The following C9orf57 variants were observed in gnomAD, a reference collection of about 807,000 sequenced individuals.
The protein encoded by C9orf57 is chromosome 9 open reading frame 57.
Under a neutral mutation model 12.9 loss-of-function variants are expected in C9orf57, and 12 were observed. The ratio of observed to expected loss-of-function variants is 0.93; its 90% CI spans 0.60 to 1.51. The LOEUF (loss-of-function observed/expected upper bound fraction) is 1.51. C9orf57 is among the 40% of genes most tolerant of loss of function. C9orf57 has a pLI of 0.00. For missense variants in C9orf57, 141 were observed against 162.8 expected, an observed-to-expected ratio of 0.87 and a Z score of 0.73; for synonymous variants, 49 against 57.1, an observed-to-expected ratio of 0.86 and a Z score of 0.64.
chr9:72,057,868 A>G (rs1000555407), intron 2 of C9orf57, among the ~76,000 whole-genome samples: 3 of 152,140 alleles, frequency 2.0e-5, no homozygotes, highest in Admixed American at 6.6e-5. Context: ...TGAAAATATT[A>G]TTCATTTTGT....
At chr9:72,052,496 T>A in intron 4 of C9orf57, 61 bp from the exon 5 acceptor site, 8 of 1,470,060 alleles carry the variant, frequency 5.4e-6, no homozygotes, top group Non-Finnish European at 7.3e-6. Context: ...TGGCCTCAGA[T>A]GCTAATAGGT....
intron 3 of C9orf57, 69 bp from the exon 4 acceptor site, chr9:72,056,265 GAGATCAAA>G: frequency 1.5e-6 from 2 of 1,315,166 alleles, no homozygotes; most frequent in Non-Finnish European, 2.0e-6. Context: ...GGAAGGAAGA[GAGATCAAA>G]AAAATAAAGT....
intron 1 of C9orf57, among the ~76,000 whole-genome samples, chr9:72,059,966 A>G (rs1824295380): frequency 6.6e-6 from 1 of 152,198 alleles, no homozygotes; most frequent in African/African-American, 2.4e-5. Context: ...ATATTTCTAG[A>G]ATAATATCCT....
chr9:72,060,606 G>T lies in C9orf57; in HGVS notation c.-163C>A. The T allele has an allele frequency of 6.7e-7, 1 of 1,500,510 alleles. No homozygotes were observed. Among genetic ancestry groups the T allele is most frequent in the South Asian group, 1.2e-5 (1 of 80,318 alleles). The allele number at this position is 1,500,510 out of a possible 1,614,324, so 92.9% of individuals were successfully genotyped here. A position where few individuals can be genotyped will look rare whatever the true frequency, so the allele number is the denominator to read the frequency against. ...GATGAAGTCCGTTACAACTGAAAGC[G>T]ACACTCTGATCCACTAGATTCCAAA... On this transcript the variant is annotated 5_prime_UTR_variant, in exon 1 of 5. Transcript: ENST00000651200.
chr9:72,057,793 A>G (rs1483915517), intron 2 of C9orf57, among the ~76,000 whole-genome samples: 1 of 152,186 alleles, frequency 6.6e-6, no homozygotes, highest in South Asian at 2.1e-4. Context: ...TCGATTCTTC[A>G]TGAATATTTA....
At chr9:72,057,561 A>G (rs1364816355) in intron 2 of C9orf57, among the ~76,000 whole-genome samples, 2 of 152,106 alleles carry the variant, frequency 1.3e-5, no homozygotes, top group African/African-American at 4.8e-5. Context: ...TAATGAGGGA[A>G]ATTTCGAAGC....
rs200061624 is a variant in C9orf57 at position 72,052,363 on chromosome 9, T to C, written c.353A>G (p.Lys118Arg). Residue 118 changes from lysine to arginine, a missense_variant, in exon 5 of 5, where the codon AAG (lysine) becomes AGG (arginine). Lys to Arg is a conservative substitution (Grantham distance 26). Coordinates refer to ENST00000651200, the MANE Select transcript of C9orf57 (RefSeq NM_001128618.2). ...AAGTTCATGCAGTTGCAGAATTCTC[T>C]TGACGAGAGTACTCTTGAAGCACTC... ...TSECFKSTLV[K>R]RILQLHELVT... The C allele has an allele frequency of 1.5e-5, 23 of 1,551,938 alleles. No homozygotes were observed. Among genetic ancestry groups the C allele is most frequent in the South Asian group, 9.5e-5 (8 of 84,068 alleles).
At chr9:72,060,464 T>C (rs1318149487) in intron 1 of C9orf57, 33 bp downstream of exon 1, 2 of 1,055,076 alleles carry the variant, frequency 1.9e-6, no homozygotes, top group Non-Finnish European at 1.4e-6. Flanking sequence ...TAAGATTGGG[T>C]AAAGTATAAT....
At chr9:72,060,401 TTA>T (rs1824310916) in intron 1 of C9orf57, 94 bp downstream of exon 1, 1 of 704,752 alleles carries the variant, frequency 1.4e-6, no homozygotes, top group African/African-American at 1.8e-5. Context: ...GGGAAAAGCA[TTA>T]TGTGATAGTT....
At chr9:72,058,825 T>C (rs568123679) in intron 2 of C9orf57, among the ~76,000 whole-genome samples, 3 of 152,368 alleles carry the variant, frequency 2.0e-5, no homozygotes, top group South Asian at 4.1e-4. Flanking sequence ...AAATTTCACA[T>C]TGGTTCTGCC....
At chr9:72,055,407 T>A in intron 4 of C9orf57, among the ~76,000 whole-genome samples, 1 of 116,946 alleles carries the variant, frequency 8.6e-6, no homozygotes, top group Non-Finnish European at 1.7e-5. Context: ...CTTCCTTCCT[T>A]CCTTCCTTCC....
chr9:72,058,203 C>G (rs1030675976), intron 2 of C9orf57, among the ~76,000 whole-genome samples: 1 of 152,028 alleles, frequency 6.6e-6, no homozygotes, highest in African/African-American at 2.4e-5. Flanking sequence ...CTCTTTTGTC[C>G]AGGTTGGAGT....
rs1420352020 is a variant in C9orf57 at position 72,056,935 on chromosome 9, G to T, written c.98-92C>A. 9.9e-6 allele frequency: 10 copies of T among 1,014,580 alleles called. No homozygotes were observed. The African/African-American group carries it at 1.1e-4, about 12-fold the overall frequency. 62.8% of individuals were successfully genotyped at this position (1,014,580 alleles called of 1,614,324 possible). ...TACTTTTTTTTTTTTTTGAGACAGG[G>T]TTGCACTCCTGTTACCCAGGCTGGA... On this transcript the variant is annotated intron_variant, in intron 2 of 4. Coordinates refer to ENST00000651200, the MANE Select transcript of C9orf57 (RefSeq NM_001128618.2).
intron 4 of C9orf57, among the ~76,000 whole-genome samples, chr9:72,054,221 C>T (rs770690353): frequency 3.9e-5 from 6 of 152,258 alleles, no homozygotes; most frequent in Admixed American, 6.5e-5. Context: ...TGGTCTCGAA[C>T]TCCCCACTTC....
chr9:72,055,370 CTCCCTCCTTCCTTCCTTCCTTCCT>C (rs1824171003), intron 4 of C9orf57, among the ~76,000 whole-genome samples: 1 of 28,626 alleles, frequency 3.5e-5, no homozygotes, highest in African/African-American at 1.1e-4. Flanking sequence ...CCCTCCCTCC[CTCCCTCCTTCCTTCCTTCCTTCCT>C]TCCTTCCTTC....
At chr9:72,055,217 A>G (rs551443425) in intron 4 of C9orf57, among the ~76,000 whole-genome samples, 1 of 151,924 alleles carries the variant, frequency 6.6e-6, no homozygotes, top group Non-Finnish European at 1.5e-5. Context: ...GATTATAGGC[A>G]TGAGTCACTG....
rs184342828 is a variant in C9orf57, at chr9:72,059,346, C to G, written c.-15G>C. 1.3e-6 allele frequency: 2 copies of G among 1,551,180 alleles called. No individual in the cohort carries two copies. The highest frequency in any genetic ancestry group is 2.0e-5 in the Admixed American group (1 of 50,930). On this transcript the variant is annotated 5_prime_UTR_variant, in exon 2 of 5. Coordinates refer to ENST00000651200, the MANE Select transcript of C9orf57 (RefSeq NM_001128618.2). Reference sequence around the variant, plus strand: ...ATCCTTCTCATTCTGATTTCCAAGCCGAAAAGGAGATGAAAGGAAAGACAC... The same window carrying G: ...ATCCTTCTCATTCTGATTTCCAAGCGGAAAAGGAGATGAAAGGAAAGACAC...
rs199894555 is a variant in C9orf57, at chr9:72,056,873, A to AGATT, written c.98-34_98-31dup. ...AAGACATCCATGGAAGGGGATTGAA[A>AGATT]GATTGCATGCTCTGCAAATGTATAC... is the stretch of plus-strand genomic sequence containing the variant. On this transcript the variant is annotated intron_variant, in intron 2 of 4. Transcript: ENST00000651200. 2.6e-6 allele frequency: 4 copies of AGATT among 1,533,648 alleles called. No individual in the cohort carries two copies. In the East Asian group the frequency reaches 9.8e-5, roughly 38 times the overall value.
chr9:72,055,157 G>A lies in C9orf57; in HGVS notation c.280+917C>T, dbSNP rs149936246. Among the ~76,000 whole-genome samples, 1,205 of 151,288 alleles carry A rather than the reference G, an allele frequency of 8.0e-3. 12 individuals are homozygous for A. Among genetic ancestry groups the A allele is most frequent in the Non-Finnish European group, 0.012 (803 of 67,810 alleles). On this transcript the variant is annotated intron_variant, in intron 4 of 4. Coordinates refer to ENST00000651200, the MANE Select transcript of C9orf57 (RefSeq NM_001128618.2). The stretch of plus-strand genomic sequence containing the variant: ...TCACCATGTTGCCCAGGTTGGTCTT[G>A]AACTCTTGAGTTCAAGCAATCCACG...
Sources: allele counts gnomAD v4.1 joint callset (sites outside exome capture counted in the v4.1 genomes callset), GRCh38; gene constraint gnomAD v4.1.1; transcripts MANE v1.5; gene names NCBI Gene and HGNC (gene_info 2026-07-23, HGNC 2026-07-21).